The following ASIC2 variants were observed in gnomAD, a reference collection of about 807,000 sequenced individuals.
ASIC2 encodes acid-sensing ion channel 2.
ASIC2 carries 25 observed loss-of-function variants against 57.3 expected under a neutral mutation model. The observed-to-expected ratio is 0.44, with a 90% CI of 0.32 to 0.61. The LOEUF is 0.61. ASIC2 is among the 20% of genes least tolerant of loss of function. The pLI, the probability that ASIC2 is intolerant of heterozygous loss-of-function variation, is 0.06. For synonymous variants in ASIC2, 319 were observed against 307.5 expected (o/e 1.04, Z -0.39); for missense variants, 641 against 738.1 (o/e 0.87, Z 1.52).
intron 1 of ASIC2, among the ~76,000 whole-genome samples, chr17:33,131,058 GA>G (rs2092343856): frequency 6.6e-6 from 1 of 152,142 alleles, no homozygotes; most frequent in Non-Finnish European, 1.5e-5. Context: ...AGAATTAAAT[GA>G]ATGTGGGCAC....
At chr17:34,132,773 CTGT>C (rs1446414779) in intron 1 of ASIC2, among the ~76,000 whole-genome samples, 1 of 152,186 alleles carries the variant, frequency 6.6e-6, no homozygotes, top group Non-Finnish European at 1.5e-5. Flanking sequence ...CCACTGTGGG[CTGT>C]TGTTAGGTAA....
At chr17:33,390,036 G>A (rs570384411) in intron 1 of ASIC2, among the ~76,000 whole-genome samples, 36 of 152,142 alleles carry the variant, frequency 2.4e-4, no homozygotes, top group Non-Finnish European at 4.3e-4. Context: ...TTTCTGGCTG[G>A]GCGTGGTGGT....
chr17:33,687,665 T>A (rs1908237942), intron 1 of ASIC2, among the ~76,000 whole-genome samples: 2 of 152,146 alleles, frequency 1.3e-5, no homozygotes, highest in Non-Finnish European at 2.9e-5. Flanking sequence ...ATCCAGACAG[T>A]TCATGGGCCA....
At chr17:33,187,919 G>GAAAAAAAAAAAAAAAAAAA (rs1426139056) in intron 1 of ASIC2, among the ~76,000 whole-genome samples, 1 of 129,562 alleles carries the variant, frequency 7.7e-6, no homozygotes, top group African/African-American at 2.9e-5. Context: ...AAAAAAAAAA[G>GAAAAAAAAAAAAAAAAAAA]AAAAAAAGAA....
chr17:33,749,216 G>T (rs1169591999), intron 1 of ASIC2, among the ~76,000 whole-genome samples: 1 of 152,028 alleles, frequency 6.6e-6, no homozygotes, highest in African/African-American at 2.4e-5. Flanking sequence ...TTTCTGTCAT[G>T]CATGCTTCAG....
intron 1 of ASIC2, among the ~76,000 whole-genome samples, chr17:33,758,606 A>G (rs1910684677): frequency 6.6e-6 from 1 of 152,166 alleles, no homozygotes; most frequent in African/African-American, 2.4e-5. Flanking sequence ...GGATTAATCC[A>G]TTCACGGATT....
chr17:33,884,925 A>G (rs317379), intron 1 of ASIC2, among the ~76,000 whole-genome samples: 134,913 of 152,268 alleles, frequency 0.89, 59,949 homozygotes, highest in African/African-American at 0.95. Context: ...GAGTTCCGAC[A>G]AAGTGTAAAG....
intron 1 of ASIC2, among the ~76,000 whole-genome samples, chr17:33,911,954 A>G (rs975102823): frequency 6.6e-6 from 1 of 151,934 alleles, no homozygotes; most frequent in Non-Finnish European, 1.5e-5. Flanking sequence ...CAGCCTGACC[A>G]ATGTGAAGAA....
chr17:33,118,823 G>A (rs2092290591), intron 1 of ASIC2, among the ~76,000 whole-genome samples: 1 of 152,060 alleles, frequency 6.6e-6, no homozygotes, highest in African/African-American at 2.4e-5. Flanking sequence ...CCAGGGCTTG[G>A]AAATAATGGC....
intron 3 of ASIC2, among the ~76,000 whole-genome samples, chr17:33,072,893 C>A (rs1319407923): frequency 6.6e-6 from 1 of 152,324 alleles, no homozygotes; most frequent in Non-Finnish European, 1.5e-5. Flanking sequence ...ACTCCCCCTG[C>A]TAGAAAACAC....
At chr17:33,603,100 CT>C (rs1436897018) in intron 1 of ASIC2, among the ~76,000 whole-genome samples, 1 of 152,256 alleles carries the variant, frequency 6.6e-6, no homozygotes. Context: ...GTGTGCCATG[CT>C]TTTCTCAGCC....
intron 1 of ASIC2, among the ~76,000 whole-genome samples, chr17:34,054,325 C>T (rs1240453401): frequency 1.3e-5 from 2 of 152,128 alleles, no homozygotes; most frequent in African/African-American, 2.4e-5. Flanking sequence ...CAATGAAGTA[C>T]GTTTTTGAAG....
At chr17:33,036,076 T>G (rs974004994) in intron 3 of ASIC2, among the ~76,000 whole-genome samples, 75 of 152,222 alleles carry the variant, frequency 4.9e-4, no homozygotes, top group Non-Finnish European at 1.0e-4. Flanking sequence ...CAAATAGTAG[T>G]TTTAAAATAT....
chr17:33,176,183 C>G (rs368678687), intron 1 of ASIC2, among the ~76,000 whole-genome samples: 1 of 152,184 alleles, frequency 6.6e-6, no homozygotes. Flanking sequence ...CAGACAGCAT[C>G]CTGTGGGCTT....
intron 1 of ASIC2, among the ~76,000 whole-genome samples, chr17:33,326,256 T>A (rs1284384318): frequency 1.3e-5 from 2 of 152,220 alleles, no homozygotes; most frequent in Non-Finnish European, 2.9e-5. Flanking sequence ...ACCCATTTTA[T>A]GAGCAAGGAA....
At chr17:33,569,103 A>C (rs1294222890) in intron 1 of ASIC2, 1 of 152,286 alleles carries the variant, frequency 6.6e-6, no homozygotes, top group African/African-American at 2.4e-5. Context: ...TCAGTTATAC[A>C]TAGCCTGTTT....
At chr17:34,136,865 T>G (rs1912139766) in intron 1 of ASIC2, among the ~76,000 whole-genome samples, 1 of 152,232 alleles carries the variant, frequency 6.6e-6, no homozygotes, top group Admixed American at 6.5e-5. Context: ...ACAGCCTGTC[T>G]CTGGCCTGCT....
intron 1 of ASIC2, among the ~76,000 whole-genome samples, chr17:33,186,789 G>A (rs544382200): frequency 1.3e-5 from 2 of 152,276 alleles, no homozygotes; most frequent in South Asian, 4.1e-4. Context: ...TGGTCGTTTG[G>A]CATTTGAAAC....
intron 1 of ASIC2, among the ~76,000 whole-genome samples, chr17:33,610,498 T>C (rs1905369199): frequency 6.6e-6 from 1 of 152,148 alleles, no homozygotes; most frequent in Non-Finnish European, 1.5e-5. Flanking sequence ...CCTGGGCTCC[T>C]TTCCCTAATG....
Sources: allele counts gnomAD v4.1 joint callset (sites outside exome capture counted in the v4.1 genomes callset), GRCh38; gene constraint gnomAD v4.1.1; transcripts MANE v1.5; gene names NCBI Gene and HGNC (gene_info 2026-07-23, HGNC 2026-07-21).